ZNF500: variants seen among roughly 807,000 people sequenced by gnomAD.
ZNF500 encodes the protein zinc finger protein with KRAB and SCAN domains 18.
Under a neutral mutation model 30.1 loss-of-function variants are expected in ZNF500, and 31 were observed. That is an observed-to-expected ratio of 1.03 (90% CI 0.77 to 1.39). The LOEUF is 1.39. ZNF500 is among the 40% of genes most tolerant of loss of function. The pLI is 0.00. For synonymous variants in ZNF500, 392 were observed against 282.0 expected (o/e 1.39, Z -3.91); for missense variants, 817 against 657.8 (o/e 1.24, Z -2.65).
At position 4,760,543 on chromosome 16, in the gene ZNF500, C is replaced by A; in HGVS notation, c.709G>T (p.Glu237Ter). 1 of 1,613,818 alleles carries A rather than the reference C, an allele frequency of 6.2e-7. No individual in the cohort carries two copies. The highest frequency in any genetic ancestry group is 1.1e-5 in the South Asian group (1 of 90,968). Residue 237 changes from glutamate to a stop codon, truncating the protein, a stop_gained, in exon 5 of 6, where the codon GAG becomes TAG. Coordinates refer to ENST00000219478, the MANE Select transcript of ZNF500 (RefSeq NM_021646.4). LOFTEE classifies it high-confidence loss of function. ...EDVAVYLSGE[E>*]PRCMDPAQRD... The stretch of plus-strand genomic sequence containing the variant: ...TGAGCTGGGTCCATGCATCTTGGCT[C>A]CTCCCCAGAAAGGTATACAGCCACG...
In ZNF500 at chr16:4,760,359, G is replaced by A. The variant is rs554065756; in HGVS notation, c.760+133C>T. The A allele has an allele frequency of 2.0e-4, 149 of 758,582 alleles. 1 individual carries two copies. Among genetic ancestry groups the A allele is most frequent in the South Asian group, 7.6e-4 (42 of 55,332 alleles). 47.0% of individuals were successfully genotyped at this position (758,582 alleles called of 1,614,324 possible). A position where few individuals can be genotyped will look rare whatever the true frequency, so the allele number is the denominator to read the frequency against. On this transcript the variant is annotated intron_variant, in intron 5 of 5. Transcript: ENST00000219478. ...CAGGCCCTGCAGGTGGGACTCTGCA[G>A]GGATACGGGTAGCCCTGTCCACGGA... is the stretch of plus-strand genomic sequence containing the variant.
At chr16:4,766,774 G>A (rs1402696845) in intron 1 of ZNF500, among the ~76,000 whole-genome samples, 1 of 152,192 alleles carries the variant, frequency 6.6e-6, no homozygotes, top group Non-Finnish European at 1.5e-5. Flanking sequence ...CGGTGTCCAG[G>A]TCTGGCGAAC....
rs910919713 is a variant in ZNF500, at chr16:4,752,156, G to C, written c.*220C>G. ...CCCCTGCTCTGTGTCACCTGTTCTGGCTGCCACTGGACACTCAGAGCCTGT... is the reference window on the plus strand; with the variant it reads ...CCCCTGCTCTGTGTCACCTGTTCTGCCTGCCACTGGACACTCAGAGCCTGT... On this transcript the variant is annotated 3_prime_UTR_variant, in exon 6 of 6. Transcript: ENST00000219478. 39 of 1,379,648 alleles carry C rather than the reference G, an allele frequency of 2.8e-5. 1 individual carries two copies. In the South Asian group the frequency reaches 6.1e-4, roughly 22 times the overall value. The allele number at this position is 1,379,648 out of a possible 1,614,324, so 85.5% of individuals were successfully genotyped here. A position where few individuals can be genotyped will look rare whatever the true frequency, so the allele number is the denominator to read the frequency against.
At chr16:4,759,007 C>A (rs9673738) in intron 5 of ZNF500, among the ~76,000 whole-genome samples, 1 of 151,816 alleles carries the variant, frequency 6.6e-6, no homozygotes, top group South Asian at 2.1e-4. Flanking sequence ...ATCAGGAATT[C>A]GAGACCAGCT....
downstream of ZNF500, chr16:4,746,440 T>C (rs1284041591): frequency 1.2e-6 from 2 of 1,613,576 alleles, no homozygotes; most frequent in South Asian, 2.2e-5. Flanking sequence ...GGCATGAGGC[T>C]TAACGCAGAG....
At position 4,752,790 on chromosome 16, in the gene ZNF500, G is replaced by A. The variant is rs1409798208; in HGVS notation, c.1029C>T (p.His343=). ...GFSKTSHLTK[H]QRTHTGERPY... ...GCCGCTCGCCCGTGTGTGTGCGCTG[G>A]TGCTTGGTCAAGTGGGACGTCTTGC... The change falls in exon 6 of 6, where the codon CAC becomes CAT. Residue 343 remains histidine (H), a synonymous_variant. Transcript: ENST00000219478. 4.3e-6 allele frequency: 7 copies of A among 1,614,148 alleles called. No homozygotes were observed. The highest frequency in any genetic ancestry group is 1.1e-5 in the South Asian group (1 of 91,094).
At chr16:4,744,585 G>C (rs1263405209), downstream of ZNF500, among the ~76,000 whole-genome samples, 1 of 151,790 alleles carries the variant, frequency 6.6e-6, no homozygotes, top group African/African-American at 2.4e-5. Flanking sequence ...GTGACAAGTG[G>C]GACCGGGGTG....
intron 2 of ZNF500, chr16:4,763,542 T>C: frequency 7.1e-6 from 7 of 985,186 alleles, no homozygotes; most frequent in Non-Finnish European, 8.4e-6. Flanking sequence ...ACAAGAGACA[T>C]CCCTAGGCAA....
downstream of ZNF500, chr16:4,744,922 G>A (rs1274121080): frequency 4.3e-6 from 7 of 1,613,916 alleles, no homozygotes. Flanking sequence ...TGGCCCTCCT[G>A]TGCACCACGC....
At chr16:4,747,713 G>A (rs2082036436), downstream of ZNF500, 1 of 1,443,936 alleles carries the variant, frequency 6.9e-7, no homozygotes. Context: ...TGTTGTTCCT[G>A]CATTTCCACT....
rs768459302 is a variant in ZNF500, at chr16:4,752,469, G to A, written c.1350C>T (p.Thr450=). ...GGGTCCGCTGGTGCTTGTGCAGGTC[G>A]GTGCCCCGGCGGAAGCCCCGGCCAC... ...PACGRGFRRG[T]DLHKHQRTHM... The change falls in exon 6 of 6, where the codon ACC becomes ACT. Residue 450 remains threonine, a synonymous_variant. Coordinates refer to ENST00000219478, the MANE Select transcript of ZNF500 (RefSeq NM_021646.4). 3.9e-5 allele frequency: 60 copies of A among 1,544,412 alleles called. No homozygotes were observed. The highest frequency in any genetic ancestry group is 3.4e-4 in the Middle Eastern group (2 of 5,914).
intron 4 of ZNF500, 83 bp downstream of exon 4, chr16:4,762,188 G>C (rs904670538): frequency 2.7e-6 from 4 of 1,472,196 alleles, no homozygotes; most frequent in Admixed American, 1.9e-5. Context: ...CCCCAGGAGA[G>C]GTGTCCCCTT....
chr16:4,746,405 T>C (rs1181393395), downstream of ZNF500: 1 of 1,613,156 alleles, frequency 6.2e-7, no homozygotes, highest in East Asian at 2.2e-5. Flanking sequence ...GCTCCCAGGC[T>C]GGGCCAGGCC....
In ZNF500 at chr16:4,766,033, C is replaced by A; in HGVS notation, c.-55G>T. 3 of 1,501,904 alleles carry A rather than the reference C, an allele frequency of 2.0e-6. No homozygotes were observed. The highest frequency in any genetic ancestry group is 2.6e-6 in the Non-Finnish European group (3 of 1,132,360). 93.0% of individuals were successfully genotyped at this position (1,501,904 alleles called of 1,614,324 possible). A position where few individuals can be genotyped will look rare whatever the true frequency, so the allele number is the denominator to read the frequency against. ...GCCTTAGAGTTGAACCTGTCTCTCT[C>A]TATACCTCTGGCCAGACACAGGAAG... is the stretch of plus-strand genomic sequence containing the variant. On this transcript the variant is annotated 5_prime_UTR_variant, in exon 2 of 6. Coordinates refer to ENST00000219478, the MANE Select transcript of ZNF500 (RefSeq NM_021646.4).
At position 4,751,734 on chromosome 16, in the gene ZNF500, A is replaced by C. The variant is rs915920519; in HGVS notation, c.*642T>G. 6 of 1,243,200 alleles carry C rather than the reference A, an allele frequency of 4.8e-6. No homozygotes were observed. The highest frequency in any genetic ancestry group is 6.8e-6 in the Non-Finnish European group (6 of 882,156). The allele number at this position is 1,243,200 out of a possible 1,614,324, so 77.0% of individuals were successfully genotyped here. On this transcript the variant is annotated 3_prime_UTR_variant, in exon 6 of 6. Coordinates refer to ENST00000219478, the MANE Select transcript of ZNF500 (RefSeq NM_021646.4). ...CAGTGTATTGGGGGACCCTAAACCC[A>C]GTGAGTGGTGGCCCTACCAAAAAAG...
At chr16:4,754,066 G>A (rs2082111750) in intron 5 of ZNF500, among the ~76,000 whole-genome samples, 1 of 152,236 alleles carries the variant, frequency 6.6e-6, no homozygotes, top group Non-Finnish European at 1.5e-5. Flanking sequence ...CAGCATGAGG[G>A]TGACTGCAGC....
rs984182311 is a variant in ZNF500 at position 4,760,524 on chromosome 16, G to A, written c.728C>T (p.Pro243Leu). ...CTCCAGCGGCGCGTCCCGCTGAGCT[G>A]GGTCCATGCATCTTGGCTCCTCCCC... Reference protein sequence around the residue: ...LSGEEPRCMDPAQRDAPLENE... With the variant: ...LSGEEPRCMDLAQRDAPLENE... The change falls in exon 5 of 6, where the codon CCA becomes CTA. Residue 243 changes from proline (P) to leucine (L), a missense_variant. Coordinates refer to ENST00000219478, the MANE Select transcript of ZNF500 (RefSeq NM_021646.4). The A allele has an allele frequency of 6.2e-7, 1 of 1,613,798 alleles. No individual in the cohort carries two copies. The highest frequency in any genetic ancestry group is 8.5e-7 in the Non-Finnish European group (1 of 1,179,852).
In ZNF500 at chr16:4,762,411, C is replaced by T. The variant is rs1446088304; in HGVS notation, c.599-76G>A. 8.5e-6 allele frequency: 13 copies of T among 1,532,336 alleles called. No individual in the cohort carries two copies. In the African/African-American group the frequency reaches 1.8e-4, roughly 21 times the overall value. The allele number at this position is 1,532,336 out of a possible 1,614,324, so 94.9% of individuals were successfully genotyped here. On this transcript the variant is annotated intron_variant, in intron 3 of 5. Coordinates refer to ENST00000219478, the MANE Select transcript of ZNF500 (RefSeq NM_021646.4). Reference sequence around the variant, plus strand: ...CCTGCCGTCCCCTGCACACCAAGGCCCCAACAGCCCGGCGGCTGCCCACCC... The same window carrying T: ...CCTGCCGTCCCCTGCACACCAAGGCTCCAACAGCCCGGCGGCTGCCCACCC...
chr16:4,749,757 G>A lies in ZNF500; in HGVS notation c.*2619C>T, dbSNP rs2082060958. The A allele has an allele frequency of 6.6e-6, 1 of 152,386 alleles. No homozygotes were observed. The highest frequency in any genetic ancestry group is 2.1e-4 in the South Asian group (1 of 4,832). 9.4% of individuals were successfully genotyped at this position (152,386 alleles called of 1,614,324 possible). On this transcript the variant is annotated 3_prime_UTR_variant, in exon 6 of 6. Transcript: ENST00000219478. ...GAACCTGGGAGGTGGAGGTTGTGGT[G>A]AGCCAAGATCGTGCCTTGCACTCCA...
Sources: gnomAD v4.1 joint callset for allele counts (sites outside exome capture counted in the v4.1 genomes callset) on GRCh38, gnomAD v4.1.1 for gene constraint, MANE v1.5 for transcripts, NCBI Gene and HGNC (gene_info 2026-07-23, HGNC 2026-07-21) for gene names.